Variants in GALNT16 observed in about 807,000 individuals in gnomAD.
GALNT16 encodes UDP-GalNAc:polypeptide N-acetylgalactosaminyltransferase-like protein 1.
Under a neutral mutation model 76.1 loss-of-function variants are expected in GALNT16, and 40 were observed. That is an observed-to-expected ratio of 0.53 (90% CI 0.41 to 0.68). GALNT16 has a LOEUF of 0.68. Ranked by LOEUF, GALNT16 falls within the 30% of genes least tolerant of loss-of-function variation. The probability of loss-of-function intolerance (pLI) is 0.00; values close to 1 mark genes in which losing one functional copy is unlikely to be tolerated. For missense variants in GALNT16, 621 were observed against 731.9 expected (o/e 0.85, Z 1.75); for synonymous variants, 276 against 285.2 (o/e 0.97, Z 0.32).
In GALNT16 at chr14:69,263,086, C is replaced by A. The variant is rs537047223; in HGVS notation, c.177+2619C>A. 3.3e-5 allele frequency among the ~76,000 whole-genome samples: 5 copies of A among 152,032 alleles called. No individual in the cohort carries two copies. In the South Asian group the frequency reaches 6.2e-4, roughly 19 times the overall value. ...GTAGAGATGGGGTTTCATCATGTTG[C>A]CCAGGCTGGTCTCAAACTCCTGACC... On this transcript the variant is annotated intron_variant, in intron 1 of 14. Transcript: ENST00000448469.
chr14:69,321,813 A>T (rs1298130010), intron 2 of GALNT16, among the ~76,000 whole-genome samples: 1 of 152,222 alleles, frequency 6.6e-6, no homozygotes, highest in African/African-American at 2.4e-5. Flanking sequence ...CTCTGTGCAG[A>T]CATCTCACAG....
chr14:69,300,602 G>T lies in GALNT16; in HGVS notation c.178-20109G>T, dbSNP rs138083406. Among the ~76,000 whole-genome samples the T allele has an allele frequency of 3.7e-3, 558 of 152,272 alleles. 4 individuals carry two copies. Among genetic ancestry groups the T allele is most frequent in the African/African-American group, 0.013 (541 of 41,550 alleles). ...TCTGCAGAATCTTCCATTTCACTTG[G>T]GGTGTGCCCATTTAACCTCTGGAGA... On this transcript the variant is annotated intron_variant, in intron 1 of 14. Transcript: ENST00000448469.
intron 1 of GALNT16, among the ~76,000 whole-genome samples, chr14:69,270,247 G>A (rs1594810260): frequency 6.6e-6 from 1 of 152,244 alleles, no homozygotes; most frequent in Non-Finnish European, 1.5e-5. Flanking sequence ...TGGGCACTGC[G>A]CAGCTGTTTC....
At chr14:69,302,080 T>C (rs1406847535) in intron 1 of GALNT16, among the ~76,000 whole-genome samples, 1 of 152,326 alleles carries the variant, frequency 6.6e-6, no homozygotes, top group African/African-American at 2.4e-5. Context: ...CTCTGCCTTC[T>C]GAGAATAGGA....
intron 4 of GALNT16, 64 bp downstream of exon 4, chr14:69,325,468 C>G: frequency 1.0e-6 from 1 of 954,058 alleles, no homozygotes; most frequent in East Asian, 2.4e-5. Context: ...CCCCAGAACA[C>G]CAAGGCAAGC....
intron 1 of GALNT16, among the ~76,000 whole-genome samples, chr14:69,298,948 C>T (rs1485246614): frequency 6.6e-6 from 1 of 152,250 alleles, no homozygotes; most frequent in Admixed American, 6.5e-5. Context: ...CACCCAAGGC[C>T]GAGGCCTTGC....
Position 69,333,865 on chromosome 14 carries a change from C to T in GALNT16, c.967+265C>T. The T allele has an allele frequency of 4.6e-6, 2 of 431,754 alleles. No homozygotes were observed. Among genetic ancestry groups the T allele is most frequent in the Non-Finnish European group, 8.2e-6 (2 of 243,038 alleles). The allele number at this position is 431,754 out of a possible 1,614,324, so 26.7% of individuals were successfully genotyped here. ...GTTCTATTTAGGGGGAGCCCGTGGT[C>T]ACATGGCTGGACATGTGTGTGGAAG... On this transcript the variant is annotated intron_variant, in intron 9 of 14. Transcript: ENST00000448469. This position sits in a 1 kb window ranked among gnomAD's most constrained non-coding sequence, Gnocchi z 4.2.
At chr14:69,279,373 C>T (rs1209786329) in intron 1 of GALNT16, among the ~76,000 whole-genome samples, 1 of 152,202 alleles carries the variant, frequency 6.6e-6, no homozygotes, top group Non-Finnish European at 1.5e-5. Flanking sequence ...AGGTGAGTGC[C>T]TCACTTGTCT....
At position 69,347,866 on chromosome 14, in the gene GALNT16, C is replaced by T. The variant is rs533616038; in HGVS notation, c.1414-11C>T. ...CTTTTTGACTTGGCCTTTCTGCTCCCTGCCTTGCAGGCATGGCTGTTCAGT... is the reference window on the plus strand; with the variant it reads ...CTTTTTGACTTGGCCTTTCTGCTCCTTGCCTTGCAGGCATGGCTGTTCAGT... On this transcript the variant is annotated splice_polypyrimidine_tract_variant and intron_variant, in intron 13 of 14. Transcript: ENST00000448469. 7 of 1,612,516 alleles carry T rather than the reference C, an allele frequency of 4.3e-6. No homozygotes were observed. Among genetic ancestry groups the T allele is most frequent in the Admixed American group, 1.7e-5 (1 of 59,990 alleles).
intron 1 of GALNT16, among the ~76,000 whole-genome samples, chr14:69,267,394 C>G (rs1220319953): frequency 6.6e-5 from 10 of 152,224 alleles, no homozygotes; most frequent in African/African-American, 1.9e-4. Flanking sequence ...TTTGAGGAGG[C>G]ATTGAGGCAG....
At chr14:69,334,270 C>T (rs529717265) in intron 9 of GALNT16, among the ~76,000 whole-genome samples, 1 of 152,296 alleles carries the variant, frequency 6.6e-6, no homozygotes, top group South Asian at 2.1e-4. Context: ...CTGGAGGGGG[C>T]TGGACCCTCA....
rs757325902 is a variant in GALNT16 at position 69,328,587 on chromosome 14, T to C, written c.690+16T>C. On this transcript the variant is annotated intron_variant, in intron 6 of 14. Transcript: ENST00000448469. ...GGTGAAGGAGGTGAGCCACTGTCTC[T>C]GGGGAGCTGGGCGTCCTTGGGGACT... The C allele has an allele frequency of 5.6e-6, 9 of 1,608,216 alleles. No individual in the cohort carries two copies. The African/African-American group carries it at 8.0e-5, about 14-fold the overall frequency.
Position 69,331,549 on chromosome 14 carries a change from G to A in GALNT16, c.776G>A (p.Gly259Glu). The A allele has an allele frequency of 6.3e-7, 1 of 1,584,656 alleles. No homozygotes were observed. The highest frequency in any genetic ancestry group is 1.1e-5 in the South Asian group (1 of 90,546). ...CTTGCAGCATCTGCTGACCTTCGTG[G>A]AGGTGAGTTCTGCTCCCGGGGGTGG... is the stretch of plus-strand genomic sequence containing the variant. ...AYLAASADLR[G>E]GFDWSLHFKW... is the part of the protein sequence containing the mutation. Residue 259 changes from glycine to glutamate, a missense_variant and splice_region_variant, in exon 7 of 15, where the codon GGA becomes GAA. Coordinates refer to ENST00000448469, the MANE Select transcript of GALNT16 (RefSeq NM_001168368.2).
Position 69,350,463 on chromosome 14 carries a change from TA to T in GALNT16, c.1540-1565del, listed in dbSNP as rs748560891. The T allele has an allele frequency of 3.9e-5, 6 of 152,236 alleles. No homozygotes were observed. In the South Asian group the frequency reaches 1.2e-3, roughly 32 times the overall value. 9.4% of individuals were successfully genotyped at this position (152,236 alleles called of 1,614,324 possible). On this transcript the variant is annotated intron_variant, in intron 14 of 14. Coordinates refer to ENST00000448469, the MANE Select transcript of GALNT16 (RefSeq NM_001168368.2). ...TGCTGGAGGTTTGGCCTACATGAGGTAAATGTCAAGGACTAGAAGAGCATGA... is the reference window on the plus strand; with the variant it reads ...TGCTGGAGGTTTGGCCTACATGAGGTAATGTCAAGGACTAGAAGAGCATGA...
chr14:69,328,762 C>A (rs2045317647), intron 6 of GALNT16, among the ~76,000 whole-genome samples, 191 bp downstream of exon 6: 3 of 152,180 alleles, frequency 2.0e-5, no homozygotes, highest in African/African-American at 7.2e-5. Flanking sequence ...TCATAATTAT[C>A]CCACTGGGTT....
the GALNT16 span, among the ~76,000 whole-genome samples, chr14:69,366,109 T>A: frequency 1.3e-5 from 2 of 152,016 alleles, no homozygotes; most frequent in Non-Finnish European, 2.9e-5. Context: ...GTGATAGGAG[T>A]CAGAAAGATT....
intron 2 of GALNT16, among the ~76,000 whole-genome samples, chr14:69,322,977 TGTGTGCGCGCGCACGC>T (rs1226599999): frequency 2.3e-4 from 8 of 34,252 alleles, no homozygotes; most frequent in African/African-American, 2.1e-3. Flanking sequence ...TGTGTGTGTG[TGTGTGCGCGCGCACGC>T]GCGCACGCAT....
intron 1 of GALNT16, among the ~76,000 whole-genome samples, chr14:69,275,256 G>A (rs1362839659): frequency 2.0e-5 from 3 of 152,292 alleles, no homozygotes; most frequent in South Asian, 4.2e-4. Context: ...AACCCCTGAG[G>A]TCAGGGAAAT....
At chr14:69,284,144 T>G (rs923021408) in intron 1 of GALNT16, among the ~76,000 whole-genome samples, 1 of 152,148 alleles carries the variant, frequency 6.6e-6, no homozygotes, top group Non-Finnish European at 1.5e-5. Context: ...GGGCTGGACC[T>G]CCTCCTTATC....
Sources: allele counts gnomAD v4.1 joint callset (sites outside exome capture counted in the v4.1 genomes callset), GRCh38; gene constraint gnomAD v4.1.1; non-coding constraint Gnocchi (gnomAD v3.1); transcripts MANE v1.5; gene names NCBI Gene and HGNC (gene_info 2026-07-23, HGNC 2026-07-21).